Variants in ALK observed in about 807,000 individuals in gnomAD.
The protein encoded by ALK is ALK tyrosine kinase receptor.
Under a neutral mutation model 163.1 loss-of-function variants are expected in ALK, and 74 were observed. The ratio of observed to expected loss-of-function variants is 0.45; its 90% confidence interval spans 0.38 to 0.55. ALK has a LOEUF of 0.55. Among genes scored for constraint, ALK ranks in the 20% least tolerant of loss-of-function variants. ALK has a pLI of 0.00. For synonymous variants in ALK, 960 were observed against 843.2 expected, an observed-to-expected ratio of 1.14 and a Z score of -2.40; for missense variants, 2,063 against 2,105.3, an observed-to-expected ratio of 0.98 and a Z score of 0.39.
At chr2:29,387,336 T>G (rs538205363) in intron 4 of ALK, among the ~76,000 whole-genome samples, 6 of 152,330 alleles carry the variant, frequency 3.9e-5, no homozygotes, top group African/African-American at 9.6e-5. Context: ...CAACTTTGCA[T>G]GAATTTTTTG....
chr2:29,692,344 C>T (rs1678423571), intron 3 of ALK, among the ~76,000 whole-genome samples: 1 of 152,158 alleles, frequency 6.6e-6, no homozygotes, highest in Non-Finnish European at 1.5e-5. Flanking sequence ...TGTTCTGACC[C>T]TCTCACCCAG....
intron 1 of ALK, among the ~76,000 whole-genome samples, chr2:29,791,601 C>T (rs537382423): frequency 2.0e-4 from 31 of 152,132 alleles, no homozygotes; most frequent in African/African-American, 7.5e-4. Context: ...ACATTCTGCA[C>T]ATGTATCCCA....
chr2:29,336,062 A>T (rs1259115561), intron 5 of ALK, among the ~76,000 whole-genome samples: 1 of 152,020 alleles, frequency 6.6e-6, no homozygotes, highest in Non-Finnish European at 1.5e-5. Flanking sequence ...AAACAACAAC[A>T]ACAACAACAA....
At chr2:29,895,510 C>T (rs1039718019) in intron 1 of ALK, among the ~76,000 whole-genome samples, 1 of 152,204 alleles carries the variant, frequency 6.6e-6, no homozygotes, top group African/African-American at 2.4e-5. Flanking sequence ...GGCTGTGAGC[C>T]TGGCTATACT....
At chr2:29,532,225 G>T in intron 3 of ALK, 109 bp from the exon 4 acceptor site, 4 of 1,011,012 alleles carry the variant, frequency 4.0e-6, no homozygotes, top group Non-Finnish European at 6.1e-6. Context: ...GATACTGGAG[G>T]CCATTATCTC....
intron 1 of ALK, among the ~76,000 whole-genome samples, chr2:29,902,410 T>A (rs550206446): frequency 6.6e-6 from 1 of 152,198 alleles, no homozygotes; most frequent in East Asian, 1.9e-4. Flanking sequence ...AAATCTTCCC[T>A]CTCCTCCACC....
At chr2:29,715,085 C>T (rs1679207920) in intron 2 of ALK, among the ~76,000 whole-genome samples, 1 of 152,208 alleles carries the variant, frequency 6.6e-6, no homozygotes, top group African/African-American at 2.4e-5. Flanking sequence ...ATGTTTGCAT[C>T]ACTTCCCACA....
rs376885462 is a variant in ALK, at chr2:29,435,762, C to T, written c.1155-51903G>A. 1.1e-4 allele frequency among the ~76,000 whole-genome samples: 16 copies of T among 152,262 alleles called. No homozygotes were observed. In the East Asian group the frequency reaches 3.1e-3, roughly 29 times the overall value. ...CAGCCAGCTAGACAGACCTGGGTAA[C>T]TCTGACCCTTAAAGAAGTAACAGTG... On this transcript the variant is annotated intron_variant, in intron 4 of 28. Transcript: ENST00000389048.
chr2:29,875,131 T>C (rs1455493790), intron 1 of ALK, among the ~76,000 whole-genome samples: 2 of 152,078 alleles, frequency 1.3e-5, no homozygotes, highest in Non-Finnish European at 2.9e-5. Flanking sequence ...CATCAATAGA[T>C]GAAAGAACAA....
At chr2:29,384,829 G>A (rs1001511828) in intron 4 of ALK, among the ~76,000 whole-genome samples, 1 of 152,102 alleles carries the variant, frequency 6.6e-6, no homozygotes, top group Non-Finnish European at 1.5e-5. Context: ...AAGGTGGGCG[G>A]ATCATGAGGT....
At chr2:29,214,108 G>A (rs2148159675) in intron 23 of ALK, 27 bp from the exon 24 acceptor site, 3 of 1,593,754 alleles carry the variant, frequency 1.9e-6, no homozygotes, top group Non-Finnish European at 2.6e-6. Flanking sequence ...GCGGGCCACT[G>A]ACGAGGAGCT....
intron 4 of ALK, among the ~76,000 whole-genome samples, chr2:29,440,521 T>G (rs1401890450): frequency 6.6e-6 from 1 of 152,108 alleles, no homozygotes; most frequent in African/African-American, 2.4e-5. Flanking sequence ...TTCACCATGT[T>G]GGCCAGGCTG....
At chr2:29,551,936 G>C (rs567623847) in intron 3 of ALK, among the ~76,000 whole-genome samples, 2 of 152,054 alleles carry the variant, frequency 1.3e-5, no homozygotes, top group Non-Finnish European at 2.9e-5. Context: ...CCAATGTTGT[G>C]CAACTATCAT....
chr2:29,843,324 A>C (rs930647771), intron 1 of ALK, among the ~76,000 whole-genome samples: 1 of 151,946 alleles, frequency 6.6e-6, no homozygotes, highest in Non-Finnish European at 1.5e-5. Context: ...TATACACATA[A>C]AATTTCCTCC....
At chr2:29,539,011 T>C (rs1673337913) in intron 3 of ALK, among the ~76,000 whole-genome samples, 1 of 151,908 alleles carries the variant, frequency 6.6e-6, no homozygotes, top group South Asian at 2.1e-4. Context: ...TGAGGCTATT[T>C]AGTCTTCCTG....
chr2:29,914,419 A>T (rs1348525297), intron 1 of ALK, among the ~76,000 whole-genome samples: 1 of 152,224 alleles, frequency 6.6e-6, no homozygotes. Context: ...ATTCAGACAG[A>T]CTAAAATGTA....
At chr2:29,630,953 G>A (rs574904401) in intron 3 of ALK, among the ~76,000 whole-genome samples, 9 of 152,170 alleles carry the variant, frequency 5.9e-5, no homozygotes, top group Non-Finnish European at 1.2e-4. Flanking sequence ...GGTGCTTAGG[G>A]TTCTTCAAGA....
chr2:29,320,391 G>A (rs768103398), intron 7 of ALK, among the ~76,000 whole-genome samples: 41 of 152,174 alleles, frequency 2.7e-4, no homozygotes, highest in Non-Finnish European at 5.1e-4. Context: ...AGTCTCCCCA[G>A]TCATAAAGAG....
chr2:29,644,909 T>A (rs1676827773), intron 3 of ALK, among the ~76,000 whole-genome samples: 1 of 152,128 alleles, frequency 6.6e-6, no homozygotes, highest in African/African-American at 2.4e-5. Flanking sequence ...GAATATCTCA[T>A]AAATATTCAG....
Sources: allele counts gnomAD v4.1 joint callset (sites outside exome capture counted in the v4.1 genomes callset), GRCh38; gene constraint gnomAD v4.1.1; transcripts MANE v1.5; gene names NCBI Gene and HGNC (gene_info 2026-07-23, HGNC 2026-07-21).